The following YIF1B variants were observed in gnomAD, a reference collection of about 807,000 sequenced individuals.
YIF1B encodes Yip1 interacting factor homolog B, membrane trafficking protein, also known as protein YIF1B.
YIF1B carries 24 observed loss-of-function variants against 34.6 expected under a neutral mutation model. That is an observed-to-expected ratio of 0.69 (90% CI 0.50 to 0.98). The LOEUF is 0.98. YIF1B is among the 50% of genes least tolerant of loss of function. The probability of loss-of-function intolerance (pLI) is 0.00; values close to 1 mark genes in which losing one functional copy is unlikely to be tolerated. For synonymous variants in YIF1B, 186 were observed against 184.8 expected (o/e 1.01, Z -0.05); for missense variants, 368 against 429.4 (o/e 0.86, Z 1.26).
chr19:38,311,784 T>C (rs1055764316), intron 1 of YIF1B, among the ~76,000 whole-genome samples: 5 of 151,906 alleles, frequency 3.3e-5, no homozygotes, highest in African/African-American at 1.2e-4. Context: ...TGCTGAGGGG[T>C]GCTCAGAGGA....
chr19:38,304,945 A>AG lies in YIF1B; in HGVS notation c.*406dup, dbSNP rs756436068. Reference sequence around the variant, plus strand: ...AAGGGCAAGAAGGAGAAGGGCAAGAAGAAGGAGGCTCCCCACTGAAGGGCC... The same window carrying AG: ...AAGGGCAAGAAGGAGAAGGGCAAGAAGGAAGGAGGCTCCCCACTGAAGGGCC... On this transcript the variant is annotated 3_prime_UTR_variant, in exon 8 of 8. Transcript: ENST00000339413. The AG allele has an allele frequency of 1.9e-6, 3 of 1,610,526 alleles. No homozygotes were observed. Among genetic ancestry groups the AG allele is most frequent in the South Asian group, 1.1e-5 (1 of 90,680 alleles).
At chr19:38,312,191 A>C (rs1969353108) in intron 1 of YIF1B, among the ~76,000 whole-genome samples, 1 of 151,142 alleles carries the variant, frequency 6.6e-6, no homozygotes, top group Non-Finnish European at 1.5e-5. Flanking sequence ...TGCGAGGCTG[A>C]GACAGGCAGA....
At chr19:38,311,745 T>A (rs1379665677) in intron 1 of YIF1B, among the ~76,000 whole-genome samples, 2 of 152,040 alleles carry the variant, frequency 1.3e-5, no homozygotes, top group Non-Finnish European at 2.9e-5. Flanking sequence ...TATTTCTGGA[T>A]CAGTTTCAGA....
At chr19:38,319,952 T>G, upstream of YIF1B, 1 of 1,446,602 alleles carries the variant, frequency 6.9e-7, no homozygotes, top group Non-Finnish European at 9.0e-7. Flanking sequence ...GTGGGTGCCA[T>G]GCGGAGGGGC....
chr19:38,308,404 A>G (rs1218344837), intron 5 of YIF1B, among the ~76,000 whole-genome samples: 1 of 149,554 alleles, frequency 6.7e-6, no homozygotes, highest in Non-Finnish European at 1.5e-5. Flanking sequence ...CTTGATTGGG[A>G]GCCATGGATA....
chr19:38,304,474 C>T lies in YIF1B; in HGVS notation c.*878G>A, dbSNP rs1968895446. On this transcript the variant is annotated 3_prime_UTR_variant, in exon 8 of 8. Transcript: ENST00000339413. ...GTTCAGGGCCGGTCGGAGGCAGGGGCAGGTCCGGGTCCAAAGGTAAGTCGC... is the reference window on the plus strand; with the variant it reads ...GTTCAGGGCCGGTCGGAGGCAGGGGTAGGTCCGGGTCCAAAGGTAAGTCGC... The T allele has an allele frequency of 6.4e-7, 1 of 1,555,390 alleles. No individual in the cohort carries two copies. Among genetic ancestry groups the T allele is most frequent in the Non-Finnish European group, 8.7e-7 (1 of 1,149,930 alleles).
chr19:38,309,090 G>A (rs777004883), intron 3 of YIF1B, 33 bp from the exon 4 acceptor site: 1 of 1,555,138 alleles, frequency 6.4e-7, no homozygotes, highest in Admixed American at 1.8e-5. Context: ...AGGACCCTCA[G>A]AGCCAGGCCC....
upstream of YIF1B, among the ~76,000 whole-genome samples, chr19:38,321,075 A>G (rs1600420567): frequency 6.6e-6 from 1 of 152,050 alleles, no homozygotes; most frequent in East Asian, 1.9e-4. Context: ...GACCCTCCAG[A>G]TATGTCCTTC....
intron 7 of YIF1B, 170 bp downstream of exon 7, chr19:38,307,258 C>A: frequency 4.5e-6 from 3 of 670,286 alleles, no homozygotes; most frequent in Non-Finnish European, 7.8e-6. Flanking sequence ...CAGGATACCC[C>A]CTCTTCCAGG....
Position 38,304,109 on chromosome 19 carries a change from C to CG in YIF1B, c.*1242dup, listed in dbSNP as rs35308902. The CG allele has an allele frequency of 8.8e-3, 7,803 of 889,410 alleles. 333 individuals carry two copies. The African/African-American group carries it at 0.1, about 12-fold the overall frequency. The allele number at this position is 889,410 out of a possible 1,614,324, so 55.1% of individuals were successfully genotyped here. A position where few individuals can be genotyped will look rare whatever the true frequency, so the allele number is the denominator to read the frequency against. On this transcript the variant is annotated 3_prime_UTR_variant, in exon 8 of 8. Transcript: ENST00000339413. ...TCACAGAGGAAATCCTGGGTGGTGC[C>CG]GGGCAATGAGTCAGGGCTGAGGACC...
chr19:38,311,204 T>A (rs1214622338), intron 1 of YIF1B, among the ~76,000 whole-genome samples: 4 of 151,828 alleles, frequency 2.6e-5, no homozygotes. Context: ...GGAGGATCGC[T>A]TCAGCCTGGG....
chr19:38,316,942 T>C (rs1184741933), upstream of YIF1B, among the ~76,000 whole-genome samples: 3 of 152,146 alleles, frequency 2.0e-5, no homozygotes, highest in African/African-American at 7.2e-5. Flanking sequence ...ATTACAGACA[T>C]GAGCCACAGT....
At chr19:38,306,204 CAAAAAAAAAAAA>C (rs1174694534) in intron 7 of YIF1B, among the ~76,000 whole-genome samples, 18 of 28,710 alleles carry the variant, frequency 6.3e-4, no homozygotes, top group Non-Finnish European at 1.1e-3. Context: ...CTCTGTCTCA[CAAAAAAAAAAAA>C]AAAAAAAAAA....
Position 38,304,511 on chromosome 19 carries a change from C to CT in YIF1B, c.*840dup. On this transcript the variant is annotated 3_prime_UTR_variant, in exon 8 of 8. Coordinates refer to ENST00000339413, the MANE Select transcript of YIF1B (RefSeq NM_001039672.3). Reference sequence around the variant, plus strand: ...CAAAGGTAAGTCGCCTCATCACCGGCTGCGGAGGGGCGGGAAGGCTGGGGT... The same window carrying CT: ...CAAAGGTAAGTCGCCTCATCACCGGCTTGCGGAGGGGCGGGAAGGCTGGGGT... 1 of 1,563,774 alleles carries CT rather than the reference C, an allele frequency of 6.4e-7. No individual in the cohort carries two copies. The highest frequency in any genetic ancestry group is 8.7e-7 in the Non-Finnish European group (1 of 1,154,258).
chr19:38,307,759 G>A lies in YIF1B; in HGVS notation c.540-7C>T. On this transcript the variant is annotated splice_region_variant and splice_polypyrimidine_tract_variant and intron_variant, in intron 5 of 7. Transcript: ENST00000339413. The stretch of plus-strand genomic sequence containing the variant: ...CAGGAGGTCTGGGGAGAACCTGCAG[G>A]CACAAAGCCCCGCCACTTGGTTGGC... 1 of 1,608,080 alleles carries A rather than the reference G, an allele frequency of 6.2e-7. No individual in the cohort carries two copies. The highest frequency in any genetic ancestry group is 8.5e-7 in the Non-Finnish European group (1 of 1,176,720).
chr19:38,306,204 CAAAAAAAAAA>C lies in YIF1B; in HGVS notation c.790-707_790-698del, dbSNP rs1174694534. 1.8e-3 allele frequency among the ~76,000 whole-genome samples: 53 copies of C among 28,712 alleles called. 2 individuals are homozygous for C. In the East Asian group the frequency reaches 0.028, roughly 15 times the overall value. The allele number at this position is 28,712 out of a possible 152,430, so 18.8% of individuals were successfully genotyped here. On this transcript the variant is annotated intron_variant, in intron 7 of 7. Coordinates refer to ENST00000339413, the MANE Select transcript of YIF1B (RefSeq NM_001039672.3). ...CCCGACAGAGCGAGACTCTGTCTCA[CAAAAAAAAAA>C]AAAAAAAAAAAAAAAAAGTCAGGGT... is the stretch of plus-strand genomic sequence containing the variant.
chr19:38,313,835 C>T (rs1969422614), intron 1 of YIF1B, among the ~76,000 whole-genome samples: 1 of 152,236 alleles, frequency 6.6e-6, no homozygotes, highest in Admixed American at 6.5e-5. Flanking sequence ...CTCCCAATAT[C>T]ACACAGAGGC....
intron 1 of YIF1B, chr19:38,315,298 C>T: frequency 1.2e-6 from 1 of 817,584 alleles, no homozygotes; most frequent in Non-Finnish European, 1.5e-6. Flanking sequence ...GCTTCACTGA[C>T]ACCCCTAGGC....
At chr19:38,308,662 T>C in intron 5 of YIF1B, 130 bp downstream of exon 5, 1 of 1,131,264 alleles carries the variant, frequency 8.8e-7, no homozygotes, top group South Asian at 1.3e-5. Context: ...GAGGGCTGTA[T>C]CTTGGGCCAA....
Sources: gnomAD v4.1 joint callset for allele counts (sites outside exome capture counted in the v4.1 genomes callset) on GRCh38, gnomAD v4.1.1 for gene constraint, MANE v1.5 for transcripts, NCBI Gene and HGNC (gene_info 2026-07-23, HGNC 2026-07-21) for gene names.